Variants in MSS51 observed in about 807,000 individuals in gnomAD.
MSS51 encodes MSS51 mitochondrial translational activator.
In MSS51, 32 loss-of-function variants were observed where a neutral mutation model predicts 40.2. The observed-to-expected ratio is 0.80, with a 90% CI of 0.60 to 1.07. The LOEUF is 1.07. Ranked by LOEUF, MSS51 falls within the 50% of genes least tolerant of loss-of-function variation. The probability of loss-of-function intolerance (pLI) is 0.00; values close to 1 mark genes in which losing one functional copy is unlikely to be tolerated. For synonymous variants in MSS51, 178 were observed against 214.2 expected (o/e 0.83, Z 1.48); for missense variants, 518 against 568.9 (o/e 0.91, Z 0.91).
intron 1 of MSS51, among the ~76,000 whole-genome samples, chr10:73,428,961 T>A (rs978609511): frequency 6.6e-6 from 1 of 151,518 alleles, no homozygotes; most frequent in African/African-American, 2.4e-5. Flanking sequence ...TCCCAGCACT[T>A]TGGGAGGCTG....
At chr10:73,430,514 G>GA (rs1422248552) in intron 1 of MSS51, among the ~76,000 whole-genome samples, 2 of 151,290 alleles carry the variant, frequency 1.3e-5, no homozygotes, top group Non-Finnish European at 2.9e-5. Context: ...ATAAACACAA[G>GA]AAAATATGCT....
intron 2 of MSS51, 107 bp downstream of exon 2, chr10:73,427,957 C>G: frequency 8.1e-7 from 1 of 1,228,838 alleles, no homozygotes. Flanking sequence ...GAGAAAATCT[C>G]TTATTGCAAA....
Position 73,424,701 on chromosome 10 carries a change from T to C in MSS51, c.1235A>G (p.Asn412Ser). The change falls in exon 7 of 7, where the codon AAT (asparagine) becomes AGT (serine). Residue 412 changes from asparagine (N) to serine (S), a missense_variant. Coordinates refer to ENST00000299432, the MANE Select transcript of MSS51 (RefSeq NM_001024593.2). ...TTCAGGTTTGAGGGACATGAAAGGA[T>C]TAGACCCAAAGGCAGTGATGTGTGT... ...LDTHITAFGS[N>S]PFMSLKPEQV... The C allele has an allele frequency of 6.2e-7, 1 of 1,614,126 alleles. No individual in the cohort carries two copies. Among genetic ancestry groups the C allele is most frequent in the South Asian group, 1.1e-5 (1 of 91,066 alleles).
intron 1 of MSS51, chr10:73,429,742 T>C (rs1296869837): frequency 4.4e-6 from 2 of 454,854 alleles, no homozygotes; most frequent in African/African-American, 4.0e-5. Flanking sequence ...ATTCATGTAA[T>C]ATATATTTAC....
rs919026176 is a variant in MSS51, at chr10:73,432,980, C to T, written c.-18+533G>A. Among the ~76,000 whole-genome samples the T allele has an allele frequency of 2.6e-5, 4 of 152,154 alleles. No individual in the cohort carries two copies. The South Asian group carries it at 8.3e-4, about 32-fold the overall frequency. On this transcript the variant is annotated intron_variant, in intron 1 of 6. Transcript: ENST00000299432. ...TTTGAACTTTCCAGAGTCTAGAATG[C>T]TCTCCACTTAGAAAGGGAATCCCTT...
In MSS51 at chr10:73,424,598, C is replaced by T. The variant is rs1298541621; in HGVS notation, c.1338G>A (p.Gln446=). The change falls in exon 7 of 7, where the codon CAG becomes CAA. Residue 446 remains glutamine (Q), a synonymous_variant. Coordinates refer to ENST00000299432, the MANE Select transcript of MSS51 (RefSeq NM_001024593.2). The part of the protein sequence containing the change: ...YYIMFLGSSC[Q]LDNRQLEEKV... ...TCTCTTCTAATTGCCTATTATCCAG[C>T]TGACAGGAGCTTCCAAGAAACATGA... The T allele has an allele frequency of 6.8e-6, 11 of 1,614,018 alleles. No homozygotes were observed. The highest frequency in any genetic ancestry group is 9.3e-6 in the Non-Finnish European group (11 of 1,180,024).
chr10:73,428,589 G>A (rs1258901654), intron 1 of MSS51, among the ~76,000 whole-genome samples: 3 of 151,972 alleles, frequency 2.0e-5, no homozygotes, highest in Non-Finnish European at 2.9e-5. Flanking sequence ...AGGTTCAAGC[G>A]ATTCTCCTGC....
At position 73,423,661 on chromosome 10, in the gene MSS51, T is replaced by C. The variant is rs1462019692; in HGVS notation, c.*892A>G. The C allele has an allele frequency of 1.3e-5, 2 of 152,210 alleles. No individual in the cohort carries two copies. The highest frequency in any genetic ancestry group is 2.9e-5 in the Non-Finnish European group (2 of 68,044). 9.4% of individuals were successfully genotyped at this position (152,210 alleles called of 1,614,324 possible). ...CAGTATATTCAGGTAAAGTCTGATA[T>C]AGCTTGGGATATCTAAAATATAACA... On this transcript the variant is annotated 3_prime_UTR_variant, in exon 7 of 7. Transcript: ENST00000299432.
intron 3 of MSS51, 33 bp downstream of exon 3, chr10:73,427,580 T>G: frequency 6.3e-7 from 1 of 1,578,522 alleles, no homozygotes; most frequent in Non-Finnish European, 8.6e-7. Context: ...GGATCATTTC[T>G]GAATGTCTCC....
In MSS51 at chr10:73,426,364, T is replaced by C. The variant is rs2055988428; in HGVS notation, c.516A>G (p.Leu172=). The change falls in exon 5 of 7, where the codon CTA becomes CTG. Residue 172 remains leucine, a synonymous_variant. Coordinates refer to ENST00000299432, the MANE Select transcript of MSS51 (RefSeq NM_001024593.2). The part of the protein sequence containing the change: ...EWLLVTGDFV[L]PSGPWPWPPE... Reference sequence around the variant, plus strand: ...GTGGCCATGGCCAAGGTCCTGAGGGTAGAACAAAATCACCTGTAGGAAAGA... The same window carrying C: ...GTGGCCATGGCCAAGGTCCTGAGGGCAGAACAAAATCACCTGTAGGAAAGA... 6.2e-7 allele frequency: 1 copy of C among 1,601,380 alleles called. No individual in the cohort carries two copies. Among genetic ancestry groups the C allele is most frequent in the Non-Finnish European group, 8.5e-7 (1 of 1,179,728 alleles).
chr10:73,423,608 G>A lies in MSS51; in HGVS notation c.*945C>T, dbSNP rs1396619268. 1.3e-5 allele frequency: 2 copies of A among 152,136 alleles called. No individual in the cohort carries two copies. Among genetic ancestry groups the A allele is most frequent in the African/African-American group, 2.4e-5 (1 of 41,408 alleles). 9.4% of individuals were successfully genotyped at this position (152,136 alleles called of 1,614,324 possible). ...GAAGCCCCAAACTGAGTTTATTGGG[G>A]TATAGAATGGGGGATAATAAGTAAC... On this transcript the variant is annotated 3_prime_UTR_variant, in exon 7 of 7. Coordinates refer to ENST00000299432, the MANE Select transcript of MSS51 (RefSeq NM_001024593.2).
At chr10:73,426,427 A>C (rs767615556) in intron 4 of MSS51, 50 bp from the exon 5 acceptor site, 107 of 1,581,514 alleles carry the variant, frequency 6.8e-5, no homozygotes, top group Non-Finnish European at 8.6e-5. Context: ...CTGGCTTCAA[A>C]ATTTCCCCCT....
In MSS51 at chr10:73,428,321, T is replaced by C. The variant is rs569182711; in HGVS notation, c.-17-20A>G. On this transcript the variant is annotated intron_variant, in intron 1 of 6. Coordinates refer to ENST00000299432, the MANE Select transcript of MSS51 (RefSeq NM_001024593.2). ...TGATACCTGGAGATTATATGCAGAA[T>C]AGACATGGAATGGAATTTTACAAGC... 3.9e-6 allele frequency: 6 copies of C among 1,534,272 alleles called. No homozygotes were observed. The African/African-American group carries it at 6.9e-5, about 18-fold the overall frequency.
rs776258748 is a variant in MSS51 at position 73,425,854 on chromosome 10, G to A, written c.1026C>T (p.Thr342=). The part of the protein sequence containing the change: ...YHDFWEEQVE[T]GQTHHPDLVA... ...CCAAATCTGGATGGTGTGTCTGCCC[G>A]GTCTCTACTTGCTCCTCCCAGAAGT... Residue 342 remains threonine (T), a synonymous_variant, in exon 5 of 7, where the codon ACC becomes ACT. Coordinates refer to ENST00000299432, the MANE Select transcript of MSS51 (RefSeq NM_001024593.2). The A allele has an allele frequency of 4.1e-5, 66 of 1,613,860 alleles. No individual in the cohort carries two copies. Among genetic ancestry groups the A allele is most frequent in the Non-Finnish European group, 5.3e-5 (63 of 1,180,008 alleles).
rs1371532507 is a variant in MSS51 at position 73,423,646 on chromosome 10, A to C, written c.*907T>G. On this transcript the variant is annotated 3_prime_UTR_variant, in exon 7 of 7. Transcript: ENST00000299432. The stretch of plus-strand genomic sequence containing the variant: ...GATAATAAGTAACTCCAGTATATTC[A>C]GGTAAAGTCTGATATAGCTTGGGAT... 1 of 152,210 alleles carries C rather than the reference A, an allele frequency of 6.6e-6. No homozygotes were observed. The highest frequency in any genetic ancestry group is 1.5e-5 in the Non-Finnish European group (1 of 68,040). The allele number at this position is 152,210 out of a possible 1,614,324, so 9.4% of individuals were successfully genotyped here.
At chr10:73,432,360 G>A (rs756727899) in intron 1 of MSS51, among the ~76,000 whole-genome samples, 1 of 151,938 alleles carries the variant, frequency 6.6e-6, no homozygotes, top group Non-Finnish European at 1.5e-5. Context: ...CTTAAACCTT[G>A]AAAGAATGAC....
Position 73,426,383 on chromosome 10 carries a change from G to A in MSS51, c.503-6C>T. ...TGAGGGTAGAACAAAATCACCTGTA[G>A]GAAAGAAGAAATAAGAAGTAACCTA... On this transcript the variant is annotated splice_region_variant and splice_polypyrimidine_tract_variant and intron_variant, in intron 4 of 6. Transcript: ENST00000299432. The A allele has an allele frequency of 1.9e-6, 3 of 1,599,622 alleles. No homozygotes were observed. Among genetic ancestry groups the A allele is most frequent in the Non-Finnish European group, 1.7e-6 (2 of 1,178,964 alleles).
chr10:73,426,766 TA>T (rs2055992604), intron 3 of MSS51, 35 bp from the exon 4 acceptor site: 6 of 1,608,900 alleles, frequency 3.7e-6, no homozygotes, highest in Non-Finnish European at 5.1e-6. Flanking sequence ...TCTTATACTA[TA>T]AATATGATTG....
intron 1 of MSS51, among the ~76,000 whole-genome samples, chr10:73,430,043 AGAG>A (rs777069526): frequency 1.2e-4 from 18 of 152,226 alleles, no homozygotes; most frequent in Non-Finnish European, 1.8e-4. Context: ...TTCTAAGCAC[AGAG>A]GAGAGAATAA....
Sources: allele counts gnomAD v4.1 joint callset (sites outside exome capture counted in the v4.1 genomes callset), GRCh38; gene constraint gnomAD v4.1.1; transcripts MANE v1.5; gene names NCBI Gene and HGNC (gene_info 2026-07-23, HGNC 2026-07-21).